SLC6A11: variants seen among roughly 807,000 people sequenced by gnomAD.
SLC6A11 encodes sodium- and chloride-dependent GABA transporter 3.
SLC6A11 carries 25 observed loss-of-function variants against 74.8 expected under a neutral mutation model. That is an observed-to-expected ratio of 0.33 (90% CI 0.24 to 0.47). The LOEUF (loss-of-function observed/expected upper bound fraction) is 0.47, where lower values mean the gene tolerates loss of function less well. Among genes scored for constraint, SLC6A11 ranks in the 20% least tolerant of loss-of-function variants. SLC6A11 has a pLI of 1.00. For missense variants in SLC6A11, 574 were observed against 837.0 expected (o/e 0.69, Z 3.88); for synonymous variants, 330 against 330.2 (o/e 1.00, Z 0.01).
chr3:10,920,712 A>G (rs1219832247), intron 8 of SLC6A11, among the ~76,000 whole-genome samples: 1 of 152,228 alleles, frequency 6.6e-6, no homozygotes, highest in Non-Finnish European at 1.5e-5. Flanking sequence ...TAGCTTTTAC[A>G]GTGCCTATCA....
In SLC6A11 at chr3:10,910,819, ATTTTT is replaced by A. The variant is rs67011478; in HGVS notation, c.892-1254_892-1250del. 5.5e-5 allele frequency among the ~76,000 whole-genome samples: 7 copies of A among 126,372 alleles called. No individual in the cohort carries two copies. In the South Asian group the frequency reaches 8.0e-4, roughly 14 times the overall value. The allele number at this position is 126,372 out of a possible 152,430, so 82.9% of individuals were successfully genotyped here. ...CACCTACCACATAGGGTTGCTGTGA[ATTTTT>A]TTTTTTTTTTTTTTTTGAGACAGAG... On this transcript the variant is annotated intron_variant, in intron 6 of 13. Transcript: ENST00000254488.
chr3:10,922,971 A>G (rs1294188863), intron 8 of SLC6A11, among the ~76,000 whole-genome samples: 1 of 152,068 alleles, frequency 6.6e-6, no homozygotes, highest in African/African-American at 2.4e-5. Flanking sequence ...TAAATATTTT[A>G]TAGATAATTA....
rs1208930849 is a variant in SLC6A11 at position 10,915,158 on chromosome 3, C to A, written c.995+2965C>A. ...CCTGGCTCTTGCACCCCATTCCTCA[C>A]TACCAGGGGTGGCCAGCTCTTTCCC... On this transcript the variant is annotated intron_variant, in intron 7 of 13. Transcript: ENST00000254488. The surrounding 1 kb of genome is among the most constrained non-coding windows in gnomAD (Gnocchi z 4.3). Among the ~76,000 whole-genome samples, 2 of 152,194 alleles carry A rather than the reference C, an allele frequency of 1.3e-5. No homozygotes were observed. The highest frequency in any genetic ancestry group is 2.9e-5 in the Non-Finnish European group (2 of 68,048).
chr3:10,851,512 A>C (rs2106589835), intron 5 of SLC6A11, among the ~76,000 whole-genome samples: 1 of 152,088 alleles, frequency 6.6e-6, no homozygotes, highest in East Asian at 1.9e-4. Context: ...ACCCACAAGT[A>C]GAGGAATTGG....
chr3:10,876,887 A>AG (rs1307651671), intron 6 of SLC6A11, among the ~76,000 whole-genome samples: 12 of 151,912 alleles, frequency 7.9e-5, no homozygotes, highest in African/African-American at 2.7e-4. Context: ...AGTATTAAGT[A>AG]GTGGAGAGCA....
Position 10,935,171 on chromosome 3 carries a change from T to A in SLC6A11, c.1718T>A (p.Val573Glu). The change falls in exon 13 of 14, where the codon GTG becomes GAG. Residue 573 changes from valine (V) to glutamate (E), a missense_variant. Around this residue, in one of 4 missense-constraint regions of SLC6A11, gnomAD observed 257 missense variants for 341.5 expected, o/e 0.75. Coordinates refer to ENST00000254488, the MANE Select transcript of SLC6A11 (RefSeq NM_014229.3). ...ATCCCGCTCTGGATCTGCATCACAG[T>A]GTGGAAGACGGAGGGGACACTGCCC... is the stretch of plus-strand genomic sequence containing the variant. The part of the protein sequence containing the change: ...LCIPLWICIT[V>E]WKTEGTLPEK... The A allele has an allele frequency of 6.2e-7, 1 of 1,614,178 alleles. No individual in the cohort carries two copies. The highest frequency in any genetic ancestry group is 8.5e-7 in the Non-Finnish European group (1 of 1,180,006).
At chr3:10,867,276 C>T (rs777218019) in intron 5 of SLC6A11, among the ~76,000 whole-genome samples, 2 of 152,176 alleles carry the variant, frequency 1.3e-5, no homozygotes, top group East Asian at 1.9e-4. Flanking sequence ...CCTGGCCACA[C>T]GTGTGGCAGA....
intron 5 of SLC6A11, among the ~76,000 whole-genome samples, chr3:10,850,682 T>C (rs1336861658): frequency 1.3e-5 from 2 of 152,066 alleles, no homozygotes; most frequent in African/African-American, 2.4e-5. Context: ...TTGAGAAAGA[T>C]GGTGGCATGA....
intron 6 of SLC6A11, among the ~76,000 whole-genome samples, chr3:10,910,065 G>A (rs536229355): frequency 1.3e-5 from 2 of 152,198 alleles, no homozygotes; most frequent in East Asian, 1.9e-4. Context: ...CTGGTCTACT[G>A]GCATTACCTG....
intron 10 of SLC6A11, among the ~76,000 whole-genome samples, chr3:10,931,039 A>G (rs1306640181): frequency 6.6e-6 from 1 of 152,132 alleles, no homozygotes; most frequent in African/African-American, 2.4e-5. Flanking sequence ...CTCCTTATAC[A>G]CATTTAAACT....
At chr3:10,932,445 A>G (rs2124821601) in intron 10 of SLC6A11, among the ~76,000 whole-genome samples, 1 of 151,750 alleles carries the variant, frequency 6.6e-6, no homozygotes, top group East Asian at 1.9e-4. Flanking sequence ...CACCAGCCCC[A>G]CTCCCCTCTT....
intron 4 of SLC6A11, chr3:10,824,591 AT>A (rs1434660125): frequency 2.6e-5 from 4 of 152,108 alleles, no homozygotes; most frequent in African/African-American, 9.7e-5. Context: ...CATTATTTAC[AT>A]TTTTTATAAC....
At chr3:10,879,309 G>T (rs571948012) in intron 6 of SLC6A11, among the ~76,000 whole-genome samples, 1 of 152,238 alleles carries the variant, frequency 6.6e-6, no homozygotes, top group South Asian at 2.1e-4. Context: ...GCATAAATAA[G>T]GATCGCGACC....
chr3:10,888,952 G>T (rs1695076396), intron 6 of SLC6A11, among the ~76,000 whole-genome samples: 1 of 152,186 alleles, frequency 6.6e-6, no homozygotes, highest in African/African-American at 2.4e-5. Context: ...GGCACTGTGG[G>T]AGTGGGGTGG....
intron 4 of SLC6A11, among the ~76,000 whole-genome samples, chr3:10,828,305 C>T (rs1013646678): frequency 1.1e-4 from 17 of 152,144 alleles, no homozygotes; most frequent in African/African-American, 3.9e-4. Flanking sequence ...TATTGTGTGC[C>T]GGGCCCAAAT....
intron 4 of SLC6A11, chr3:10,824,779 T>G (rs1032387399): frequency 1.3e-5 from 2 of 152,240 alleles, no homozygotes; most frequent in African/African-American, 4.8e-5. Context: ...TTCTCACTAT[T>G]ATTAAGCACA....
intron 6 of SLC6A11, among the ~76,000 whole-genome samples, chr3:10,892,814 A>C (rs992734991): frequency 2.6e-5 from 4 of 152,192 alleles, no homozygotes; most frequent in South Asian, 2.1e-4. Context: ...TGGAAGGGAG[A>C]AACTGCACGT....
At chr3:10,855,952 G>A (rs921799051) in intron 5 of SLC6A11, among the ~76,000 whole-genome samples, 6 of 152,176 alleles carry the variant, frequency 3.9e-5, no homozygotes, top group African/African-American at 1.2e-4. Context: ...GACTCTTAGA[G>A]CATGTATTTT....
intron 3 of SLC6A11, among the ~76,000 whole-genome samples, chr3:10,820,939 G>A (rs1694131013): frequency 6.6e-6 from 1 of 152,192 alleles, no homozygotes; most frequent in South Asian, 2.1e-4. Flanking sequence ...GATCGGGTAG[G>A]ATGTTGGTGA....
Sources: gnomAD v4.1 joint callset for allele counts (sites outside exome capture counted in the v4.1 genomes callset) on GRCh38, gnomAD v4.1.1 for gene constraint, gnomAD v4.1.1 regional missense constraint, Gnocchi (gnomAD v3.1) non-coding constraint, MANE v1.5 for transcripts, NCBI Gene and HGNC (gene_info 2026-07-23, HGNC 2026-07-21) for gene names.